SAMD3: variants seen among roughly 807,000 people sequenced by gnomAD.
SAMD3 encodes sterile alpha motif domain containing 3.
In SAMD3, 63 loss-of-function variants were observed where a neutral mutation model predicts 58.5. The ratio of observed to expected loss-of-function variants is 1.08; its 90% CI spans 0.88 to 1.33. The LOEUF (loss-of-function observed/expected upper bound fraction) is 1.33. SAMD3 is among the 40% of genes most tolerant of loss of function. SAMD3 has a pLI of 0.00. For synonymous variants in SAMD3, 220 were observed against 210.3 expected, an observed-to-expected ratio of 1.05 and a Z score of -0.40; for missense variants, 604 against 608.4, an observed-to-expected ratio of 0.99 and a Z score of 0.08.
chr6:130,207,505 C>T (rs1306432289), intron 5 of SAMD3, among the ~76,000 whole-genome samples: 2 of 152,096 alleles, frequency 1.3e-5, no homozygotes, highest in Non-Finnish European at 2.9e-5. Flanking sequence ...CCCACACTTC[C>T]ACAGTTATAG....
At chr6:130,242,240 A>G (rs923405375) in intron 2 of SAMD3, among the ~76,000 whole-genome samples, 3 of 152,342 alleles carry the variant, frequency 2.0e-5, no homozygotes, top group South Asian at 4.1e-4. Context: ...TAAATATTTT[A>G]GGTTTTGTTG....
chr6:130,214,217 C>T, intron 4 of SAMD3, 120 bp downstream of exon 4: 1 of 736,730 alleles, frequency 1.4e-6, no homozygotes, highest in Non-Finnish European at 2.1e-6. Flanking sequence ...AAATACCGTA[C>T]ATACAATCTA....
At chr6:130,350,593 A>G (rs1166578086) in intron 1 of SAMD3, among the ~76,000 whole-genome samples, 2 of 152,208 alleles carry the variant, frequency 1.3e-5, no homozygotes, top group Admixed American at 6.5e-5. Context: ...AAATGGAAGA[A>G]CATTCCACGC....
chr6:130,309,918 T>C (rs545223087), intron 2 of SAMD3, among the ~76,000 whole-genome samples: 1 of 152,204 alleles, frequency 6.6e-6, no homozygotes, highest in East Asian at 1.9e-4. Context: ...ACTAATATCA[T>C]ATGAAGAGAG....
chr6:130,253,363 C>A (rs190893175), intron 2 of SAMD3, among the ~76,000 whole-genome samples: 126 of 152,186 alleles, frequency 8.3e-4, no homozygotes, highest in Middle Eastern at 6.8e-3. Context: ...AACCAGTGGG[C>A]TACAACCATC....
chr6:130,237,722 T>G lies in SAMD3; in HGVS notation c.-187-14909A>C, dbSNP rs373265592. Reference sequence around the variant, plus strand: ...AGGTGAATACATTACCAACTCAAACTACTCGTAAGTGTCTTAACCAAGATT... The same window carrying G: ...AGGTGAATACATTACCAACTCAAACGACTCGTAAGTGTCTTAACCAAGATT... On this transcript the variant is annotated intron_variant, in intron 2 of 13. Transcript: ENST00000368134. Among the ~76,000 whole-genome samples the G allele has an allele frequency of 2.0e-5, 3 of 152,180 alleles. No individual in the cohort carries two copies. In the East Asian group the frequency reaches 5.8e-4, roughly 29 times the overall value.
intron 9 of SAMD3, among the ~76,000 whole-genome samples, chr6:130,147,693 C>T (rs1788759934): frequency 6.6e-6 from 1 of 152,174 alleles, no homozygotes; most frequent in Non-Finnish European, 1.5e-5. Flanking sequence ...ATCTACTACA[C>T]ATTCCATTCA....
chr6:130,351,693 C>T (rs1777671571), intron 1 of SAMD3, among the ~76,000 whole-genome samples: 1 of 152,154 alleles, frequency 6.6e-6, no homozygotes, highest in South Asian at 2.1e-4. Context: ...TACCATTTGA[C>T]CCACCCATCC....
At chr6:130,314,472 C>T (rs927045515) in intron 1 of SAMD3, among the ~76,000 whole-genome samples, 5 of 152,310 alleles carry the variant, frequency 3.3e-5, no homozygotes, top group Non-Finnish European at 7.4e-5. Context: ...CAAAGGCATA[C>T]GTTCTTACAG....
rs1026666539 is a variant in SAMD3 at position 130,338,451 on chromosome 6, T to A, written c.-303-25358A>T. On this transcript the variant is annotated intron_variant, in intron 1 of 13. Transcript: ENST00000368134. The stretch of plus-strand genomic sequence containing the variant: ...CCACTAGGGCACTGCCTAGTGGAGC[T>A]GTGAGAAGAGAGCCACCATCCTCCA... Among the ~76,000 whole-genome samples the A allele has an allele frequency of 1.1e-4, 16 of 152,282 alleles. No individual in the cohort carries two copies. The South Asian group carries it at 3.3e-3, about 32-fold the overall frequency.
At chr6:130,225,315 T>C (rs1475756754), upstream of SAMD3, among the ~76,000 whole-genome samples, 3 of 152,158 alleles carry the variant, frequency 2.0e-5, no homozygotes, top group Admixed American at 6.5e-5. Flanking sequence ...CCTGATCAAC[T>C]AAAATTAGAG....
At position 130,177,404 on chromosome 6, in the gene SAMD3, A is replaced by G. The variant is rs537632742; in HGVS notation, c.655-1396T>C. Among the ~76,000 whole-genome samples, 431 of 152,294 alleles carry G rather than the reference A, an allele frequency of 2.8e-3. 4 individuals are homozygous for G. Among genetic ancestry groups the G allele is most frequent in the African/African-American group, 8.3e-3 (345 of 41,562 alleles). ...GTGGAGTTTTTGTGAGACCAGAGACATGGACAATACCTAGGAAGCACCCCT... is the reference window on the plus strand; with the variant it reads ...GTGGAGTTTTTGTGAGACCAGAGACGTGGACAATACCTAGGAAGCACCCCT... On this transcript the variant is annotated intron_variant, in intron 7 of 11. Coordinates refer to ENST00000439090, the MANE Select transcript of SAMD3 (RefSeq NM_001017373.4).
chr6:130,349,148 C>G (rs201390324), intron 1 of SAMD3, among the ~76,000 whole-genome samples: 1 of 152,026 alleles, frequency 6.6e-6, no homozygotes, highest in African/African-American at 2.4e-5. Context: ...AATGGACACC[C>G]TAACATCACA....
chr6:130,147,663 G>A (rs1168897954), intron 9 of SAMD3, among the ~76,000 whole-genome samples: 2 of 152,104 alleles, frequency 1.3e-5, no homozygotes, highest in Admixed American at 6.5e-5. Context: ...CTAAGTACAA[G>A]AGCACCCAAA....
intron 9 of SAMD3, among the ~76,000 whole-genome samples, chr6:130,146,502 G>A (rs980908886): frequency 6.6e-6 from 1 of 152,186 alleles, no homozygotes; most frequent in Non-Finnish European, 1.5e-5. Flanking sequence ...CCCAGCTAAG[G>A]TTCTAAGATC....
At position 130,214,334 on chromosome 6, in the gene SAMD3, C is replaced by A; in HGVS notation, c.269+3G>T. The A allele has an allele frequency of 1.9e-6, 3 of 1,572,012 alleles. No homozygotes were observed. The highest frequency in any genetic ancestry group is 2.6e-6 in the Non-Finnish European group (3 of 1,161,832). On this transcript the variant is annotated splice_donor_region_variant and intron_variant, in intron 4 of 11. Coordinates refer to ENST00000439090, the MANE Select transcript of SAMD3 (RefSeq NM_001017373.4). ...AAATAAGGCCATTTATGAACATACT[C>A]ACTCTCGAGCTGCTTCTGTTTGCAT...
At chr6:130,248,847 C>G (rs996956456) in intron 2 of SAMD3, among the ~76,000 whole-genome samples, 7 of 152,204 alleles carry the variant, frequency 4.6e-5, no homozygotes, top group African/African-American at 1.4e-4. Flanking sequence ...AACAATGAAT[C>G]CTGCTCTTAT....
intron 7 of SAMD3, among the ~76,000 whole-genome samples, chr6:130,178,741 C>T (rs1215003220): frequency 2.6e-5 from 4 of 152,224 alleles, no homozygotes; most frequent in African/African-American, 9.6e-5. Context: ...ATCAACTGCA[C>T]TAGCCTTTTG....
At chr6:130,258,093 T>C (rs1773985189) in intron 2 of SAMD3, among the ~76,000 whole-genome samples, 1 of 152,194 alleles carries the variant, frequency 6.6e-6, no homozygotes, top group Non-Finnish European at 1.5e-5. Flanking sequence ...TATTTATTTT[T>C]ACATTCTACT....
Sources: allele counts gnomAD v4.1 joint callset (sites outside exome capture counted in the v4.1 genomes callset), GRCh38; gene constraint gnomAD v4.1.1; transcripts MANE v1.5; gene names NCBI Gene and HGNC (gene_info 2026-07-23, HGNC 2026-07-21).